The following SIK3 variants were observed in gnomAD, a reference collection of about 807,000 sequenced individuals.
The protein encoded by SIK3 is serine/threonine-protein kinase SIK3.
A neutral mutation model predicts 144.2 loss-of-function variants in SIK3; 28 were observed. The observed-to-expected ratio is 0.19, with a 90% CI of 0.14 to 0.27. SIK3 has a LOEUF of 0.27. SIK3 is among the 10% of genes least tolerant of loss of function. SIK3 has a pLI of 1.00. For missense variants in SIK3, 1,319 were observed against 1,776.0 expected (o/e 0.74, Z 4.62); for synonymous variants, 686 against 676.3 (o/e 1.01, Z -0.22).
chr11:117,060,858 T>C (rs1739893840), intron 1 of SIK3, among the ~76,000 whole-genome samples: 1 of 152,172 alleles, frequency 6.6e-6, no homozygotes. Flanking sequence ...AAGATGTTAA[T>C]ATCAGGGAAA....
intron 3 of SIK3, among the ~76,000 whole-genome samples, chr11:116,930,792 C>G (rs1947563169): frequency 7.3e-6 from 1 of 137,426 alleles, no homozygotes; most frequent in Non-Finnish European, 1.6e-5. Context: ...CCAATCTAAA[C>G]AAACCTCAAG....
intron 1 of SIK3, among the ~76,000 whole-genome samples, chr11:116,976,805 T>A (rs1211744680): frequency 6.6e-6 from 1 of 152,202 alleles, no homozygotes; most frequent in Admixed American, 6.5e-5. Context: ...TTAAAAAATG[T>A]CAGTAGACAA....
intron 18 of SIK3, 148 bp downstream of exon 18, chr11:116,861,693 G>C (rs1943340516): frequency 1.6e-6 from 1 of 635,652 alleles, no homozygotes; most frequent in Middle Eastern, 2.6e-4. Context: ...TTTCAAGAAG[G>C]CTCCTGAAAT....
At chr11:116,929,653 C>T (rs1947487416) in intron 3 of SIK3, among the ~76,000 whole-genome samples, 1 of 152,224 alleles carries the variant, frequency 6.6e-6, no homozygotes, top group South Asian at 2.1e-4. Context: ...ATACCCCCAC[C>T]TCTTGATCTT....
intron 1 of SIK3, among the ~76,000 whole-genome samples, chr11:117,054,251 G>C (rs986316986): frequency 6.6e-6 from 1 of 152,284 alleles, no homozygotes; most frequent in East Asian, 1.9e-4. Flanking sequence ...TGCTTGAGGG[G>C]ACAACCCTCT....
chr11:116,858,832 T>C lies in SIK3; in HGVS notation c.2766-133A>G, dbSNP rs1943144398. 1 of 1,327,492 alleles carries C rather than the reference T, an allele frequency of 7.5e-7. No individual in the cohort carries two copies. Among genetic ancestry groups the C allele is most frequent in the African/African-American group, 1.5e-5 (1 of 68,244 alleles). 82.2% of individuals were successfully genotyped at this position (1,327,492 alleles called of 1,614,324 possible). On this transcript the variant is annotated intron_variant, in intron 20 of 24. Transcript: ENST00000445177. This position sits in a 1 kb window ranked among gnomAD's most constrained non-coding sequence, Gnocchi z 5.4. ...GTGTGACAGAGAAGTGGCAGATGTATGCATTGTCCCTATTTATTCCATTAC... is the reference window on the plus strand; with the variant it reads ...GTGTGACAGAGAAGTGGCAGATGTACGCATTGTCCCTATTTATTCCATTAC...
intron 1 of SIK3, among the ~76,000 whole-genome samples, chr11:117,084,359 G>C (rs1276077849): frequency 6.6e-6 from 1 of 152,096 alleles, no homozygotes; most frequent in Non-Finnish European, 1.5e-5. Context: ...CTGCCTCCCA[G>C]GTTCAAGCAA....
chr11:117,010,946 C>G (rs10892060), intron 1 of SIK3, among the ~76,000 whole-genome samples: 1 of 151,934 alleles, frequency 6.6e-6, no homozygotes, highest in East Asian at 1.9e-4. Flanking sequence ...ATGGACAGAT[C>G]CTGTCTCTCC....
At chr11:117,013,955 A>ATTTTTTTTTTTTTTTT (rs1951402523) in intron 1 of SIK3, among the ~76,000 whole-genome samples, 1 of 9,932 alleles carries the variant, frequency 1.0e-4, no homozygotes, top group Non-Finnish European at 2.4e-4. Flanking sequence ...TGTGTGTTTT[A>ATTTTTTTTTTTTTTTT]TTTCTTTTTT....
At chr11:117,045,740 T>A (rs1952934222) in intron 1 of SIK3, among the ~76,000 whole-genome samples, 1 of 152,204 alleles carries the variant, frequency 6.6e-6, no homozygotes, top group Admixed American at 6.5e-5. Flanking sequence ...AGATAAATAA[T>A]TAGTAAGCTA....
At chr11:116,984,494 T>C (rs967749481) in intron 1 of SIK3, among the ~76,000 whole-genome samples, 3 of 152,182 alleles carry the variant, frequency 2.0e-5, no homozygotes, top group Non-Finnish European at 2.9e-5. Flanking sequence ...TGGGTCATAA[T>C]AGAACTTAGC....
chr11:116,983,903 T>C (rs1950236767), intron 1 of SIK3, among the ~76,000 whole-genome samples: 1 of 151,820 alleles, frequency 6.6e-6, no homozygotes, highest in Non-Finnish European at 1.5e-5. Context: ...ATCTAAAAAT[T>C]AGCCAGGTGT....
At chr11:116,952,222 G>A (rs1460385662) in intron 3 of SIK3, among the ~76,000 whole-genome samples, 1 of 151,910 alleles carries the variant, frequency 6.6e-6, no homozygotes, top group Admixed American at 6.6e-5. Context: ...ACAATATAGT[G>A]AGACCCCCGT....
At chr11:117,020,732 T>C (rs774549814) in intron 1 of SIK3, among the ~76,000 whole-genome samples, 2 of 152,208 alleles carry the variant, frequency 1.3e-5, no homozygotes, top group African/African-American at 2.4e-5. Flanking sequence ...TGGAAGCTCC[T>C]GCGTTCAGTA....
At position 117,023,597 on chromosome 11, in the gene SIK3, CAAACAAACAAACAAAAAAA is replaced by C. The variant is rs1437096664; in HGVS notation, c.274-66552_274-66534del. Among the ~76,000 whole-genome samples the C allele has an allele frequency of 2.4e-4, 9 of 38,244 alleles. 1 individual carries two copies. The highest frequency in any genetic ancestry group is 1.3e-3 in the East Asian group (2 of 1,512). The allele number at this position is 38,244 out of a possible 152,430, so 25.1% of individuals were successfully genotyped here. A position where few individuals can be genotyped will look rare whatever the true frequency, so the allele number is the denominator to read the frequency against. On this transcript the variant is annotated intron_variant, in intron 1 of 24. Transcript: ENST00000445177. The stretch of plus-strand genomic sequence containing the variant: ...ATATTCTTAAAAACAAACAAACAAA[CAAACAAACAAACAAAAAAA>C]AAAAAATATATATATATATATATAT...
intron 11 of SIK3, 82 bp downstream of exon 11, chr11:116,875,076 G>A: frequency 9.4e-7 from 1 of 1,065,070 alleles, no homozygotes; most frequent in Non-Finnish European, 1.4e-6. Flanking sequence ...AATGTAGTAG[G>A]AAATGTGCCA....
At chr11:116,991,959 T>C (rs1950512395) in intron 1 of SIK3, among the ~76,000 whole-genome samples, 1 of 152,174 alleles carries the variant, frequency 6.6e-6, no homozygotes, top group African/African-American at 2.4e-5. Flanking sequence ...CATACACGTA[T>C]ATCACTAAAT....
chr11:117,015,069 T>C (rs1451486727), intron 1 of SIK3, among the ~76,000 whole-genome samples: 3 of 152,026 alleles, frequency 2.0e-5, no homozygotes, highest in African/African-American at 4.8e-5. Context: ...GTCTCCAAAA[T>C]ACACAAAAGT....
chr11:116,895,817 G>T lies in SIK3; in HGVS notation c.865+436C>A, dbSNP rs76521745. On this transcript the variant is annotated intron_variant, in intron 6 of 24. Transcript: ENST00000445177. ...AAGATGCAAAGCCTACTTTATCCTT[G>T]GCATTTAAAACCACATTGCAATGAG... Among the ~76,000 whole-genome samples the T allele has an allele frequency of 7.6e-3, 1,157 of 152,198 alleles. 16 individuals carry two copies. Among genetic ancestry groups the T allele is most frequent in the Middle Eastern group, 0.024 (7 of 294 alleles).
Sources: gnomAD v4.1 joint callset for allele counts (sites outside exome capture counted in the v4.1 genomes callset) on GRCh38, gnomAD v4.1.1 for gene constraint, Gnocchi (gnomAD v3.1) non-coding constraint, MANE v1.5 for transcripts, NCBI Gene and HGNC (gene_info 2026-07-23, HGNC 2026-07-21) for gene names.